The following TCEAL2 variants were observed in gnomAD, a reference collection of about 807,000 sequenced individuals.
TCEAL2 encodes transcription elongation factor A like 2, also known as transcription elongation factor A protein-like 2.
For missense variants in TCEAL2, 169 were observed against 166.6 expected (o/e 1.01, Z -0.08); for synonymous variants, 65 against 57.9 (o/e 1.12, Z -0.55).
In TCEAL2 at chrX:102,126,387, T is replaced by G. The variant is rs1932893482; in HGVS notation, c.-86T>G. 1 of 1,105,739 alleles carries G rather than the reference T, an allele frequency of 9.0e-7. No homozygotes were observed. The highest frequency in any genetic ancestry group is 3.3e-5 in the East Asian group (1 of 30,363). 91.1% of individuals were successfully genotyped at this position (1,105,739 alleles called of 1,213,427 possible). ...TCTGTCCGCAGGTCTGCGCGTCTGT[T>G]GTTCCCAGCGCTCTGAGAGGCCTGA... On this transcript the variant is annotated 5_prime_UTR_variant, in exon 2 of 3. Transcript: ENST00000372780.
chrX:102,126,706 G>A, intron 2 of TCEAL2, 98 bp from the exon 3 acceptor site: 1 of 864,046 alleles, frequency 1.2e-6, no homozygotes, highest in South Asian at 2.6e-5. Context: ...CTCACCAGGG[G>A]TGAGATGCAA....
In TCEAL2 at chrX:102,126,375, C is replaced by G; in HGVS notation, c.-98C>G. On this transcript the variant is annotated splice_region_variant and 5_prime_UTR_variant, in exon 2 of 3. Coordinates refer to ENST00000372780, the MANE Select transcript of TCEAL2 (RefSeq NM_080390.4). ...CCCTGTCTCCTGTCTGTCCGCAGGTCTGCGCGTCTGTTGTTCCCAGCGCTC... is the reference window on the plus strand; with the variant it reads ...CCCTGTCTCCTGTCTGTCCGCAGGTGTGCGCGTCTGTTGTTCCCAGCGCTC... 9.1e-7 allele frequency: 1 copy of G among 1,096,660 alleles called. No individual in the cohort carries two copies. The allele number at this position is 1,096,660 out of a possible 1,213,427, so 90.4% of individuals were successfully genotyped here.
In TCEAL2 at chrX:102,127,478, C is replaced by T. The variant is rs145193575; in HGVS notation, c.648C>T (p.Ala216=). ...GGGAATTCAGGGGTGGCTGCAGGGC[C>T]CCACGAAGGGACACTGAAGACATTC... ...GPREFRGGCR[A]PRRDTEDIPY... The change falls in exon 3 of 3, where the codon GCC becomes GCT. Residue 216 remains alanine (A), a synonymous_variant. Transcript: ENST00000372780. 2 of 1,187,660 alleles carry T rather than the reference C, an allele frequency of 1.7e-6. No individual in the cohort carries two copies. Among genetic ancestry groups the T allele is most frequent in the Non-Finnish European group, 2.3e-6 (2 of 886,736 alleles).
intron 1 of TCEAL2, 55 bp from the exon 2 acceptor site, chrX:102,126,318 C>T: frequency 2.3e-6 from 2 of 882,909 alleles, no homozygotes; most frequent in Non-Finnish European, 3.1e-6. Flanking sequence ...GGAACCGAGT[C>T]CCTGTGAGCC....
chrX:102,126,812 A>G lies in TCEAL2; in HGVS notation c.-19A>G. The G allele has an allele frequency of 8.4e-7, 1 of 1,194,737 alleles. No homozygotes were observed. The highest frequency in any genetic ancestry group is 1.1e-6 in the Non-Finnish European group (1 of 887,709). ...CCACACCCATCCCCCAGGAAAGGAA[A>G]AGGAGGGGAAATCTCGACATGGAAA... On this transcript the variant is annotated 5_prime_UTR_variant, in exon 3 of 3. Coordinates refer to ENST00000372780, the MANE Select transcript of TCEAL2 (RefSeq NM_080390.4).
rs766107363 is a variant in TCEAL2, at chrX:102,127,546, T to C, written c.*32T>C. The C allele has an allele frequency of 6.5e-5, 74 of 1,133,034 alleles. No homozygotes were observed. In the South Asian group the frequency reaches 1.0e-3, roughly 16 times the overall value. 93.4% of individuals were successfully genotyped at this position (1,133,034 alleles called of 1,213,427 possible). A position where few individuals can be genotyped will look rare whatever the true frequency, so the allele number is the denominator to read the frequency against. ...TGGCAGGCATTTGTCAGGCCATATG[T>C]TTTAACCTTATGGTAATACTTTGCT... On this transcript the variant is annotated 3_prime_UTR_variant, in exon 3 of 3. Coordinates refer to ENST00000372780, the MANE Select transcript of TCEAL2 (RefSeq NM_080390.4).
At chrX:102,126,330 G>T (rs1330060130) in intron 1 of TCEAL2, 43 bp from the exon 2 acceptor site, 12 of 955,296 alleles carry the variant, frequency 1.3e-5, no homozygotes, top group African/African-American at 7.8e-5. Context: ...CTGTGAGCCC[G>T]CTAAGCGCGC....
rs1422271321 is a variant in TCEAL2, at chrX:102,126,163, C to A, written c.-100-210C>A. The A allele has an allele frequency of 4.7e-5, 17 of 364,004 alleles. No homozygotes were observed. The Admixed American group carries it at 7.2e-4, about 15-fold the overall frequency. The allele number at this position is 364,004 out of a possible 1,213,427, so 30.0% of individuals were successfully genotyped here. On this transcript the variant is annotated intron_variant, in intron 1 of 2. Coordinates refer to ENST00000372780, the MANE Select transcript of TCEAL2 (RefSeq NM_080390.4). ...AATGAGGTGGCGCTGGGGCAGGTTG[C>A]CTCCGGGGAAGGGGGACACAGAGAC...
rs924075878 is a variant in TCEAL2 at position 102,126,892 on chromosome X, A to G, written c.62A>G (p.Glu21Gly). ...MPSNQGKIDN[E>G]EQPPHEGKPE... ...TCGAATCAAGGAAAGATAGACAATG[A>G]AGAACAGCCACCGCACGAGGGAAAG... is the stretch of plus-strand genomic sequence containing the variant. The change falls in exon 3 of 3, where the codon GAA becomes GGA. Residue 21 changes from glutamate (E) to glycine (G), a missense_variant. Transcript: ENST00000372780. The G allele has an allele frequency of 8.3e-7, 1 of 1,211,449 alleles. No individual in the cohort carries two copies. Among genetic ancestry groups the G allele is most frequent in the African/African-American group, 1.7e-5 (1 of 57,812 alleles).
chrX:102,126,487 G>T, intron 2 of TCEAL2, 42 bp downstream of exon 2: 1 of 930,089 alleles, frequency 1.1e-6, no homozygotes, highest in Non-Finnish European at 1.5e-6. Flanking sequence ...GGCCCACAAG[G>T]GTTGAGAGTG....
At chrX:102,126,251 G>A in intron 1 of TCEAL2, 122 bp from the exon 2 acceptor site, 1 of 649,051 alleles carries the variant, frequency 1.5e-6, no homozygotes, top group Admixed American at 4.2e-5. Flanking sequence ...GGCGGCTGGG[G>A]TGCGGGGGAG....
chrX:102,126,534 C>A (rs1396916894), intron 2 of TCEAL2, 89 bp downstream of exon 2: 6 of 639,408 alleles, frequency 9.4e-6, no homozygotes, highest in Non-Finnish European at 1.5e-5. Context: ...GGGCCCCTGC[C>A]CATCCCCTTA....
In TCEAL2 at chrX:102,127,675, T is replaced by A; in HGVS notation, c.*161T>A. On this transcript the variant is annotated 3_prime_UTR_variant, in exon 3 of 3. Transcript: ENST00000372780. ...TTCACACATGTGCATTGCAGAGACG[T>A]CATGATTCGTGGAAAAATAAAGCAG... 2.0e-6 allele frequency: 1 copy of A among 492,070 alleles called. No homozygotes were observed. Among genetic ancestry groups the A allele is most frequent in the Non-Finnish European group, 3.1e-6 (1 of 322,735 alleles). The allele number at this position is 492,070 out of a possible 1,213,427, so 40.6% of individuals were successfully genotyped here.
intron 2 of TCEAL2, 72 bp downstream of exon 2, chrX:102,126,517 C>T (rs764107137): frequency 2.7e-6 from 2 of 744,410 alleles, no homozygotes; most frequent in Non-Finnish European, 4.0e-6. Flanking sequence ...CAGTCAGGGC[C>T]GAATTGGGGC....
intron 2 of TCEAL2, 74 bp downstream of exon 2, chrX:102,126,519 A>C: frequency 1.3e-6 from 1 of 743,859 alleles, no homozygotes; most frequent in Non-Finnish European, 2.0e-6. Flanking sequence ...GTCAGGGCCG[A>C]ATTGGGGCCC....
intron 1 of TCEAL2, 120 bp from the exon 2 acceptor site, chrX:102,126,253 G>T (rs1698148783): frequency 1.5e-6 from 1 of 649,855 alleles, no homozygotes; most frequent in African/African-American, 2.3e-5. Flanking sequence ...CGGCTGGGGT[G>T]CGGGGGAGGT....
Position 102,127,492 on chromosome X carries a change from C to T in TCEAL2, c.662C>T (p.Thr221Ile), listed in dbSNP as rs374962229. The T allele has an allele frequency of 1.6e-4, 188 of 1,177,270 alleles. 1 individual carries two copies. Among genetic ancestry groups the T allele is most frequent in the African/African-American group, 8.5e-4 (47 of 55,431 alleles). The change falls in exon 3 of 3, where the codon ACT becomes ATT. Residue 221 changes from threonine (T) to isoleucine (I), a missense_variant. Physicochemically the swap from Thr to Ile is moderately conservative, Grantham distance 89. Transcript: ENST00000372780. Reference protein sequence around the residue: ...RGGCRAPRRDTEDIPYV With the variant: ...RGGCRAPRRDIEDIPYV ...GGCTGCAGGGCCCCACGAAGGGACA[C>T]TGAAGACATTCCTTATGTGTAGTGT...
Position 102,127,405 on chromosome X carries a change from T to G in TCEAL2, c.575T>G (p.Leu192Trp), listed in dbSNP as rs776033436. Reference protein sequence around the residue: ...RKSKQKLGAFLWMQRNLQDPF... With the variant: ...RKSKQKLGAFWWMQRNLQDPF... ...AGCAAACAGAAATTGGGGGCGTTTTTGTGGATGCAAAGAAATTTACAGGAC... is the reference window on the plus strand; with the variant it reads ...AGCAAACAGAAATTGGGGGCGTTTTGGTGGATGCAAAGAAATTTACAGGAC... Residue 192 changes from leucine (L) to tryptophan (W), a missense_variant, in exon 3 of 3, where the codon TTG becomes TGG. Physicochemically the swap from Leu to Trp is moderately conservative, Grantham distance 61. Coordinates refer to ENST00000372780, the MANE Select transcript of TCEAL2 (RefSeq NM_080390.4). 7 of 1,211,171 alleles carry G rather than the reference T, an allele frequency of 5.8e-6. No individual in the cohort carries two copies. Among genetic ancestry groups the G allele is most frequent in the Non-Finnish European group, 7.8e-6 (7 of 895,330 alleles).
Position 102,127,230 on chromosome X carries a change from A to G in TCEAL2, c.400A>G (p.Ile134Val), listed in dbSNP as rs139870429. 386 of 1,209,256 alleles carry G rather than the reference A, an allele frequency of 3.2e-4. No individual in the cohort carries two copies. The highest frequency in any genetic ancestry group is 1.6e-3 in the Admixed American group (74 of 45,641). The change falls in exon 3 of 3, where the codon ATA (isoleucine) becomes GTA (valine). Residue 134 changes from isoleucine (I) to valine (V), a missense_variant. By Grantham distance (29) the Ile-to-Val change is conservative. Coordinates refer to ENST00000372780, the MANE Select transcript of TCEAL2 (RefSeq NM_080390.4). ...AGGAAAGCGCCCAGCTGAGGATGATATACCCAGGAAAGCCAAAAGAAAAAC... is the reference window on the plus strand; with the variant it reads ...AGGAAAGCGCCCAGCTGAGGATGATGTACCCAGGAAAGCCAAAAGAAAAAC... ...AAGKRPAEDD[I>V]PRKAKRKTNK...
Sources: gnomAD v4.1 joint callset for allele counts on GRCh38, gnomAD v4.1.1 for gene constraint, MANE v1.5 for transcripts, NCBI Gene and HGNC (gene_info 2026-07-23, HGNC 2026-07-21) for gene names.